CHRNA9: variants seen among roughly 807,000 people sequenced by gnomAD.
The protein encoded by CHRNA9 is cholinergic receptor nicotinic alpha 9 subunit, also known as neuronal acetylcholine receptor subunit alpha-9.
CHRNA9 carries 24 observed loss-of-function variants against 36.8 expected under a neutral mutation model. That is an observed-to-expected ratio of 0.65 (90% CI 0.47 to 0.92). CHRNA9 has a LOEUF of 0.92. Ranked by LOEUF, CHRNA9 falls within the 40% of genes least tolerant of loss-of-function variation. The pLI is 0.00. For missense variants in CHRNA9, 610 were observed against 601.2 expected (o/e 1.01, Z -0.15); for synonymous variants, 231 against 231.8 (o/e 1.00, Z 0.03).
chr4:40,349,454 G>C (rs754896100), intron 4 of CHRNA9, 40 bp downstream of exon 4: 47 of 1,568,142 alleles, frequency 3.0e-5, no homozygotes, highest in Non-Finnish European at 2.7e-5. Flanking sequence ...CAGCTTTGTA[G>C]TGCCTGGGGT....
rs1389767264 is a variant in CHRNA9 at position 40,349,185 on chromosome 4, T to C, written c.669T>C (p.Pro223=). The change falls in exon 4 of 5, where the codon CCT becomes CCC. Residue 223 remains proline (P), a synonymous_variant. Coordinates refer to ENST00000310169, the MANE Select transcript of CHRNA9 (RefSeq NM_017581.4). ...NVISYGCCSE[P]YPDVTFTLLL... ...TCTCCTATGGCTGCTGCTCTGAGCC[T>C]TACCCGGATGTCACATTCACCCTCC... 10 of 1,614,080 alleles carry C rather than the reference T, an allele frequency of 6.2e-6. No individual in the cohort carries two copies. The highest frequency in any genetic ancestry group is 7.6e-6 in the Non-Finnish European group (9 of 1,180,038).
chr4:40,347,164 A>G (rs1478878479), intron 3 of CHRNA9, among the ~76,000 whole-genome samples: 1 of 152,066 alleles, frequency 6.6e-6, no homozygotes, highest in Non-Finnish European at 1.5e-5. Flanking sequence ...TTTTAGTTAC[A>G]TGGATGAATT....
In CHRNA9 at chr4:40,335,456, C is replaced by A; in HGVS notation, c.-12C>A. 1 of 1,608,414 alleles carries A rather than the reference C, an allele frequency of 6.2e-7. No homozygotes were observed. Among genetic ancestry groups the A allele is most frequent in the Non-Finnish European group, 8.5e-7 (1 of 1,174,680 alleles). ...CCTGACTGAGACTTTATTATAGAGG[C>A]TCAGGAAAAAGATGAACTGGTCCCA... On this transcript the variant is annotated 5_prime_UTR_variant, in exon 1 of 5. Coordinates refer to ENST00000310169, the MANE Select transcript of CHRNA9 (RefSeq NM_017581.4).
In CHRNA9 at chr4:40,354,446, G is replaced by T; in HGVS notation, c.1366G>T (p.Asp456Tyr). ...SEWKKVAKVI[D>Y]RFFMWIFFIM... is the part of the protein sequence containing the mutation. Reference sequence around the variant, plus strand: ...ATGGAAGAAGGTGGCGAAAGTCATAGACCGATTCTTCATGTGGATTTTTTT... The same window carrying T: ...ATGGAAGAAGGTGGCGAAAGTCATATACCGATTCTTCATGTGGATTTTTTT... The change falls in exon 5 of 5, where the codon GAC becomes TAC. Residue 456 changes from aspartate (D) to tyrosine (Y), a missense_variant. Coordinates refer to ENST00000310169, the MANE Select transcript of CHRNA9 (RefSeq NM_017581.4). The T allele has an allele frequency of 6.2e-7, 1 of 1,614,158 alleles. No individual in the cohort carries two copies. Among genetic ancestry groups the T allele is most frequent in the Non-Finnish European group, 8.5e-7 (1 of 1,180,002 alleles).
chr4:40,346,054 A>AACAAC lies in CHRNA9; in HGVS notation c.366-2827_366-2826insCAACA, dbSNP rs1560317203. ...CAAACAACAACAACAACAACAACAA[A>AACAAC]AACCCACAACCTACTCCAAAGCAGC... On this transcript the variant is annotated intron_variant, in intron 3 of 4. Coordinates refer to ENST00000310169, the MANE Select transcript of CHRNA9 (RefSeq NM_017581.4). Among the ~76,000 whole-genome samples, 5 of 151,598 alleles carry AACAAC rather than the reference A, an allele frequency of 3.3e-5. No individual in the cohort carries two copies. In the South Asian group the frequency reaches 6.2e-4, roughly 19 times the overall value.
At chr4:40,344,767 C>G (rs1401181186) in intron 3 of CHRNA9, among the ~76,000 whole-genome samples, 1 of 151,944 alleles carries the variant, frequency 6.6e-6, no homozygotes, top group Admixed American at 6.6e-5. Flanking sequence ...ATTTTAAGAC[C>G]CAGTCTCTGA....
intron 4 of CHRNA9, among the ~76,000 whole-genome samples, chr4:40,351,075 C>T (rs570166083): frequency 4.9e-4 from 74 of 151,464 alleles, no homozygotes; most frequent in South Asian, 1.0e-3. Context: ...TGGTAGCTCA[C>T]GCCTGTAATC....
intron 4 of CHRNA9, among the ~76,000 whole-genome samples, chr4:40,352,653 T>C (rs1712835875): frequency 6.6e-6 from 1 of 152,232 alleles, no homozygotes; most frequent in Non-Finnish European, 1.5e-5. Context: ...TTTATTACTC[T>C]TTTCAAAAGT....
rs1712919361 is a variant in CHRNA9 at position 40,355,060 on chromosome 4, G to C, written c.*540G>C. The C allele has an allele frequency of 6.6e-6, 1 of 152,584 alleles. No individual in the cohort carries two copies. Among genetic ancestry groups the C allele is most frequent in the African/African-American group, 2.4e-5 (1 of 41,442 alleles). The allele number at this position is 152,584 out of a possible 1,614,324, so 9.5% of individuals were successfully genotyped here. A position where few individuals can be genotyped will look rare whatever the true frequency, so the allele number is the denominator to read the frequency against. ...GTCTAAGCATCAGCTGTTTAATGGG[G>C]AAAAGAACTTTCTTCATAATGGTGA... On this transcript the variant is annotated 3_prime_UTR_variant, in exon 5 of 5. Transcript: ENST00000310169.
chr4:40,340,169 C>T (rs147530994), intron 3 of CHRNA9, among the ~76,000 whole-genome samples: 103 of 152,286 alleles, frequency 6.8e-4, no homozygotes, highest in Middle Eastern at 6.8e-3. Flanking sequence ...TCACACAAGC[C>T]TAGTGTGGCT....
At chr4:40,345,277 C>T (rs748330623) in intron 3 of CHRNA9, among the ~76,000 whole-genome samples, 2 of 151,914 alleles carry the variant, frequency 1.3e-5, no homozygotes, top group African/African-American at 4.8e-5. Flanking sequence ...CTTGGCTGGG[C>T]GCGGTGGCTT....
chr4:40,339,256 G>T (rs13142743), intron 3 of CHRNA9, among the ~76,000 whole-genome samples: 55,737 of 132,282 alleles, frequency 0.42, 13,395 homozygotes, highest in East Asian at 0.7. Context: ...TCCAGCCTGG[G>T]CGACAAGAGC....
At chr4:40,335,699 C>A in intron 1 of CHRNA9, 128 bp from the exon 2 acceptor site, 1 of 1,053,878 alleles carries the variant, frequency 9.5e-7, no homozygotes, top group South Asian at 1.4e-5. Flanking sequence ...AACAACTCAT[C>A]CATCCACCCA....
At position 40,354,271 on chromosome 4, in the gene CHRNA9, C is replaced by T. The variant is rs753478367; in HGVS notation, c.1191C>T (p.Asn397=). The T allele has an allele frequency of 1.9e-6, 3 of 1,614,194 alleles. No homozygotes were observed. The highest frequency in any genetic ancestry group is 2.2e-5 in the South Asian group (2 of 91,086). The change falls in exon 5 of 5, where the codon AAC becomes AAT. Residue 397 remains asparagine, a synonymous_variant. Coordinates refer to ENST00000310169, the MANE Select transcript of CHRNA9 (RefSeq NM_017581.4). ...NKDLSRKKDM[N]KRLKNDLGCQ... ...ACCTTTCCAGAAAGAAGGACATGAA[C>T]AAACGCTTAAAGAACGACCTGGGCT...
intron 4 of CHRNA9, among the ~76,000 whole-genome samples, chr4:40,351,971 T>G (rs1712814912): frequency 6.6e-6 from 1 of 152,228 alleles, no homozygotes; most frequent in African/African-American, 2.4e-5. Flanking sequence ...TCAAATTGAC[T>G]TCACAAAATG....
chr4:40,339,527 A>G (rs1039863984), intron 3 of CHRNA9, among the ~76,000 whole-genome samples: 3 of 150,400 alleles, frequency 2.0e-5, no homozygotes, highest in Non-Finnish European at 4.4e-5. Flanking sequence ...CTAAAAATAC[A>G]AAAAAATTAG....
Position 40,336,643 on chromosome 4 carries a change from A to AT in CHRNA9, c.211-557dup, listed in dbSNP as rs34914109. On this transcript the variant is annotated intron_variant, in intron 2 of 4. Transcript: ENST00000310169. ...AGGCACCCGCCACCACACCCGGCTA[A>AT]TTTTTTTTTTGTATTTTTAGTAGAG... 5.7e-3 allele frequency among the ~76,000 whole-genome samples: 852 copies of AT among 149,748 alleles called. 13 individuals are homozygous for AT. Among genetic ancestry groups the AT allele is most frequent in the African/African-American group, 0.02 (799 of 40,836 alleles).
At chr4:40,339,297 A>G (rs1224870596) in intron 3 of CHRNA9, among the ~76,000 whole-genome samples, 2 of 144,394 alleles carry the variant, frequency 1.4e-5, no homozygotes, top group Non-Finnish European at 3.1e-5. Flanking sequence ...AAAAAAAAAA[A>G]AAAAGAAAGA....
intron 4 of CHRNA9, among the ~76,000 whole-genome samples, chr4:40,351,465 C>T (rs759269843): frequency 4.6e-5 from 7 of 152,014 alleles, no homozygotes; most frequent in Non-Finnish European, 7.4e-5. Flanking sequence ...TGTGAGCCAC[C>T]GCAACTGGCT....
Sources: gnomAD v4.1 joint callset for allele counts (sites outside exome capture counted in the v4.1 genomes callset) on GRCh38, gnomAD v4.1.1 for gene constraint, MANE v1.5 for transcripts, NCBI Gene and HGNC (gene_info 2026-07-23, HGNC 2026-07-21) for gene names.